PLXDC2: variants seen among roughly 807,000 people sequenced by gnomAD.
PLXDC2 encodes the protein plexin domain-containing protein 2.
A neutral mutation model predicts 68.9 loss-of-function variants in PLXDC2; 40 were observed. The ratio of observed to expected loss-of-function variants is 0.58; its 90% confidence interval spans 0.45 to 0.76. The LOEUF is 0.76. Among genes scored for constraint, PLXDC2 ranks in the 30% least tolerant of loss-of-function variants. PLXDC2 has a pLI of 0.00. For synonymous variants in PLXDC2, 243 were observed against 234.2 expected (o/e 1.04, Z -0.34); for missense variants, 644 against 661.9 (o/e 0.97, Z 0.30).
chr10:20,064,786 A>G (rs1263646862), intron 3 of PLXDC2, among the ~76,000 whole-genome samples: 2 of 152,094 alleles, frequency 1.3e-5, no homozygotes, highest in Non-Finnish European at 2.9e-5. Context: ...TTTAAGCCCA[A>G]TTAATCACAA....
At chr10:19,903,515 T>C (rs117249405) in intron 1 of PLXDC2, among the ~76,000 whole-genome samples, 5,576 of 152,118 alleles carry the variant, frequency 0.037, 184 homozygotes, top group Non-Finnish European at 0.048. Context: ...GTGGTATCAG[T>C]TGTAATATCC....
At chr10:19,830,177 A>T (rs1288187099) in intron 1 of PLXDC2, among the ~76,000 whole-genome samples, 2 of 152,230 alleles carry the variant, frequency 1.3e-5, no homozygotes, top group Non-Finnish European at 2.9e-5. Flanking sequence ...AAGGCAAAGG[A>T]GTCCAACTGG....
intron 4 of PLXDC2, among the ~76,000 whole-genome samples, chr10:20,118,512 T>C (rs902102594): frequency 5.9e-5 from 9 of 152,170 alleles, no homozygotes; most frequent in African/African-American, 1.4e-4. Flanking sequence ...AAGGGACCAA[T>C]AGGACATGTC....
rs116589792 is a variant in PLXDC2 at position 20,034,875 on chromosome 10, A to T, written c.325-11994A>T. Among the ~76,000 whole-genome samples, 419 of 152,282 alleles carry T rather than the reference A, an allele frequency of 2.8e-3. 6 individuals are homozygous for T. The highest frequency in any genetic ancestry group is 9.1e-3 in the African/African-American group (377 of 41,562). ...GTAGCCTAGAACAGTTGACCATCCC[A>T]CATAGCCTAGGTGTGAAGTAGATTA... is the stretch of plus-strand genomic sequence containing the variant. On this transcript the variant is annotated intron_variant, in intron 2 of 13. Transcript: ENST00000377252.
At chr10:19,835,620 C>T (rs559935238) in intron 1 of PLXDC2, among the ~76,000 whole-genome samples, 5 of 152,012 alleles carry the variant, frequency 3.3e-5, no homozygotes, top group Non-Finnish European at 7.4e-5. Flanking sequence ...CAGAGAAGAG[C>T]AGAGGGTCAA....
rs1834682887 is a variant in PLXDC2, at chr10:20,186,397, T to C, written c.1061+8988T>C. Among the ~76,000 whole-genome samples the C allele has an allele frequency of 5.3e-5, 8 of 151,954 alleles. No individual in the cohort carries two copies. In the South Asian group the frequency reaches 1.7e-3, roughly 31 times the overall value. ...TCTGAACTACATGAGATTCTTTCTC[T>C]AGAGTGTATTCTTTTTCTCTTTAAC... On this transcript the variant is annotated intron_variant, in intron 9 of 13. Coordinates refer to ENST00000377252, the MANE Select transcript of PLXDC2 (RefSeq NM_032812.9).
At chr10:19,938,209 A>G (rs1420928216) in intron 1 of PLXDC2, among the ~76,000 whole-genome samples, 3 of 152,170 alleles carry the variant, frequency 2.0e-5, no homozygotes, top group African/African-American at 4.8e-5. Context: ...ACTCAAGCAT[A>G]AGCATTCAGT....
intron 1 of PLXDC2, among the ~76,000 whole-genome samples, chr10:19,983,375 A>G (rs1033393305): frequency 6.6e-6 from 1 of 152,218 alleles, no homozygotes; most frequent in Non-Finnish European, 1.5e-5. Context: ...GCATTTTTCT[A>G]AGCGTTCTTA....
chr10:19,884,356 A>AT (rs553918405), intron 1 of PLXDC2, among the ~76,000 whole-genome samples: 31 of 151,824 alleles, frequency 2.0e-4, no homozygotes, highest in South Asian at 6.3e-4. Flanking sequence ...CATAAATGAG[A>AT]TTTTTTTTTA....
At chr10:20,223,556 ACC>A (rs1461510990) in intron 12 of PLXDC2, among the ~76,000 whole-genome samples, 2 of 151,928 alleles carry the variant, frequency 1.3e-5, no homozygotes, top group African/African-American at 2.4e-5. Flanking sequence ...CAGGTGATCC[ACC>A]TGCCTTGGCC....
At chr10:20,006,281 T>C (rs1051438086) in intron 2 of PLXDC2, among the ~76,000 whole-genome samples, 5 of 152,152 alleles carry the variant, frequency 3.3e-5, no homozygotes, top group African/African-American at 4.8e-5. Flanking sequence ...AGAAACCAAA[T>C]GGTTATAAAG....
At chr10:19,921,855 T>A (rs1232474389) in intron 1 of PLXDC2, among the ~76,000 whole-genome samples, 6 of 152,142 alleles carry the variant, frequency 3.9e-5, no homozygotes, top group Non-Finnish European at 7.4e-5. Context: ...TTGTTCAATT[T>A]TTTTTAATTT....
chr10:20,112,549 T>G (rs1833573273), intron 4 of PLXDC2, among the ~76,000 whole-genome samples: 1 of 152,186 alleles, frequency 6.6e-6, no homozygotes, highest in Admixed American at 6.5e-5. Context: ...TTTAGTGACC[T>G]TTTTAATTTG....
chr10:20,212,182 C>A (rs1047420615), intron 10 of PLXDC2, among the ~76,000 whole-genome samples: 7 of 151,880 alleles, frequency 4.6e-5, no homozygotes, highest in African/African-American at 1.7e-4. Context: ...TAGAGGAGTT[C>A]TCTTAAATGC....
chr10:19,895,195 T>C (rs1037663051), intron 1 of PLXDC2, among the ~76,000 whole-genome samples: 1 of 152,092 alleles, frequency 6.6e-6, no homozygotes. Flanking sequence ...GAAGTCATAA[T>C]TGTATCTAAG....
At chr10:19,903,792 C>A (rs2131369253) in intron 1 of PLXDC2, among the ~76,000 whole-genome samples, 1 of 150,872 alleles carries the variant, frequency 6.6e-6, no homozygotes, top group South Asian at 2.1e-4. Context: ...TATTTGTGCT[C>A]TTTCAGACTT....
At chr10:19,872,402 A>G (rs368048996) in intron 1 of PLXDC2, among the ~76,000 whole-genome samples, 1 of 152,262 alleles carries the variant, frequency 6.6e-6, no homozygotes. Flanking sequence ...AGCAAGAATG[A>G]AAATCGGGAC....
chr10:19,966,370 A>AAAAATTTATATGTGCACATATAT (rs1834253585), intron 1 of PLXDC2, among the ~76,000 whole-genome samples: 1 of 133,476 alleles, frequency 7.5e-6, no homozygotes, highest in Non-Finnish European at 1.7e-5. Context: ...CACATATATA[A>AAAAATTTATATGTGCACATATAT]AAAATATATA....
At chr10:20,109,018 A>T (rs1027336637) in intron 4 of PLXDC2, among the ~76,000 whole-genome samples, 1 of 152,206 alleles carries the variant, frequency 6.6e-6, no homozygotes, top group Non-Finnish European at 1.5e-5. Flanking sequence ...GGAGAAAAAG[A>T]AGAACTTTGG....
Sources: allele counts gnomAD v4.1 joint callset (sites outside exome capture counted in the v4.1 genomes callset), GRCh38; gene constraint gnomAD v4.1.1; transcripts MANE v1.5; gene names NCBI Gene and HGNC (gene_info 2026-07-23, HGNC 2026-07-21).